The following NAALADL2 variants were observed in gnomAD, a reference collection of about 807,000 sequenced individuals.
The protein encoded by NAALADL2 is inactive N-acetylated-alpha-linked acidic dipeptidase-like protein 2.
NAALADL2 carries 76 observed loss-of-function variants against 87.2 expected under a neutral mutation model. The observed-to-expected ratio is 0.87, with a 90% CI of 0.72 to 1.05. NAALADL2 has a LOEUF of 1.05. Among genes scored for constraint, NAALADL2 ranks in the 50% least tolerant of loss-of-function variants. The pLI, the probability that NAALADL2 is intolerant of heterozygous loss-of-function variation, is 0.00. For missense variants in NAALADL2, 1,089 were observed against 945.8 expected (o/e 1.15, Z -1.99); for synonymous variants, 354 against 331.0 (o/e 1.07, Z -0.75).
intron 2 of NAALADL2, among the ~76,000 whole-genome samples, chr3:175,180,005 G>T (rs1736231738): frequency 6.6e-6 from 1 of 151,932 alleles, no homozygotes; most frequent in Non-Finnish European, 1.5e-5. Flanking sequence ...TGTGTTGATG[G>T]TTCAGAACAG....
intron 1 of NAALADL2, among the ~76,000 whole-genome samples, chr3:174,933,700 T>C (rs1295962137): frequency 1.3e-5 from 2 of 152,334 alleles, no homozygotes; most frequent in African/African-American, 4.8e-5. Context: ...GAATAACTGA[T>C]GTTATTCAAA....
At chr3:175,675,006 A>G (rs1051511850) in intron 11 of NAALADL2, 1 of 152,226 alleles carries the variant, frequency 6.6e-6, no homozygotes, top group Non-Finnish European at 1.5e-5. Context: ...CTAAGTAACT[A>G]CTTTGTGTGA....
chr3:174,454,915 G>T (rs1169866764), intron 1 of NAALADL2, among the ~76,000 whole-genome samples: 1 of 148,586 alleles, frequency 6.7e-6, no homozygotes, highest in East Asian at 2.0e-4. Context: ...CTGAGACATA[G>T]AAAAGCACTC....
At chr3:175,296,372 A>T (rs986608975) in intron 4 of NAALADL2, among the ~76,000 whole-genome samples, 1 of 152,164 alleles carries the variant, frequency 6.6e-6, no homozygotes. Context: ...AAGACAATCT[A>T]TCTCAAGGGC....
At chr3:174,775,028 C>G (rs964377107) in intron 3 of NAALADL2, among the ~76,000 whole-genome samples, 3 of 152,038 alleles carry the variant, frequency 2.0e-5, no homozygotes, top group African/African-American at 7.2e-5. Flanking sequence ...TGTCTTCGCA[C>G]AGTTCCTGAG....
chr3:175,034,415 A>G (rs1753162494), intron 1 of NAALADL2, among the ~76,000 whole-genome samples: 1 of 152,070 alleles, frequency 6.6e-6, no homozygotes. Context: ...ATGATGCCAA[A>G]CTCAACCTCT....
At chr3:175,402,455 T>C (rs901127157) in intron 5 of NAALADL2, among the ~76,000 whole-genome samples, 1 of 152,112 alleles carries the variant, frequency 6.6e-6, no homozygotes, top group African/African-American at 2.4e-5. Flanking sequence ...GTTCTTTCAA[T>C]GGCTCCCTAC....
intron 6 of NAALADL2, among the ~76,000 whole-genome samples, chr3:175,451,061 A>G (rs1293276503): frequency 6.6e-6 from 1 of 152,116 alleles, no homozygotes; most frequent in East Asian, 1.9e-4. Context: ...GAGAGAGAGA[A>G]AAAGAAACCC....
intron 5 of NAALADL2, among the ~76,000 whole-genome samples, chr3:175,360,562 A>G (rs1217823069): frequency 6.6e-6 from 1 of 152,028 alleles, no homozygotes; most frequent in African/African-American, 2.4e-5. Context: ...CAGGAGATAT[A>G]AGTGTTGAGA....
chr3:175,343,655 GTTTTT>G (rs113806607), intron 5 of NAALADL2, among the ~76,000 whole-genome samples: 1 of 64,726 alleles, frequency 1.5e-5, no homozygotes, highest in African/African-American at 4.6e-5. Context: ...TCTTGATCAT[GTTTTT>G]TTTTTTTTTT....
intron 4 of NAALADL2, among the ~76,000 whole-genome samples, chr3:175,303,931 G>A (rs1560321794): frequency 6.6e-6 from 1 of 152,120 alleles, no homozygotes; most frequent in Non-Finnish European, 1.5e-5. Flanking sequence ...TTAACATGGG[G>A]CTTTTCCTTC....
chr3:175,578,572 T>G (rs1560790062), intron 10 of NAALADL2, among the ~76,000 whole-genome samples: 2 of 152,228 alleles, frequency 1.3e-5, no homozygotes, highest in Non-Finnish European at 2.9e-5. Context: ...AATTAGCTTT[T>G]ATTATTAACT....
At chr3:175,197,017 G>A (rs967766877) in intron 2 of NAALADL2, among the ~76,000 whole-genome samples, 1 of 151,774 alleles carries the variant, frequency 6.6e-6, no homozygotes, top group Non-Finnish European at 1.5e-5. Flanking sequence ...GAAACATAAG[G>A]GGTCATTTTT....
At chr3:174,722,917 C>A (rs1731837507) in intron 2 of NAALADL2, among the ~76,000 whole-genome samples, 1 of 152,122 alleles carries the variant, frequency 6.6e-6, no homozygotes. Context: ...TAAAGACAAA[C>A]TTGACTGGTT....
intron 13 of NAALADL2, among the ~76,000 whole-genome samples, chr3:175,802,318 G>T (rs1263493220): frequency 1.5e-5 from 2 of 137,010 alleles, no homozygotes; most frequent in East Asian, 2.4e-4. Flanking sequence ...CTTTGTGATT[G>T]ATTTTTTTTT....
chr3:174,461,643 C>T (rs1365062389), intron 1 of NAALADL2, among the ~76,000 whole-genome samples: 1 of 152,026 alleles, frequency 6.6e-6, no homozygotes, highest in South Asian at 2.1e-4. Context: ...TATATTACAA[C>T]TGAATGTGAA....
intron 9 of NAALADL2, among the ~76,000 whole-genome samples, chr3:175,539,904 G>T (rs980004580): frequency 6.6e-6 from 1 of 152,112 alleles, no homozygotes; most frequent in Non-Finnish European, 1.5e-5. Context: ...CCATGTGCAG[G>T]TATTGCCTTG....
At chr3:175,255,143 G>A (rs1749706999) in intron 3 of NAALADL2, among the ~76,000 whole-genome samples, 1 of 136,452 alleles carries the variant, frequency 7.3e-6, no homozygotes, top group South Asian at 2.6e-4. Flanking sequence ...GCCATATTTG[G>A]GCAACAGATA....
intron 3 of NAALADL2, among the ~76,000 whole-genome samples, chr3:174,786,152 A>G (rs1324531596): frequency 6.6e-6 from 1 of 152,106 alleles, no homozygotes; most frequent in African/African-American, 2.4e-5. Flanking sequence ...AAAAAGCTTT[A>G]CTGAAAAAGT....
Sources: allele counts gnomAD v4.1 joint callset (sites outside exome capture counted in the v4.1 genomes callset), GRCh38; gene constraint gnomAD v4.1.1; transcripts MANE v1.5; gene names NCBI Gene and HGNC (gene_info 2026-07-23, HGNC 2026-07-21).